The following PGCKA1 variants were observed in gnomAD, a reference collection of about 807,000 sequenced individuals.
PGCKA1 encodes the protein PDCD10 and GCKIII kinases associated 1, also known as PDCD10 and GCKIII kinases-associated protein 1.
chr4:37,478,149 C>CCT, the PGCKA1 span, among the ~76,000 whole-genome samples: 1 of 111,522 alleles, frequency 9.0e-6, no homozygotes, highest in African/African-American at 3.0e-5. Context: ...AACACCCCCC[C>CCT]CCACCGCCAC....
At chr4:37,510,473 T>C in the PGCKA1 span, among the ~76,000 whole-genome samples, 2 of 152,244 alleles carry the variant, frequency 1.3e-5, no homozygotes, top group East Asian at 3.9e-4. Context: ...TGGTACCACC[T>C]TGGTGGCCCT....
the PGCKA1 span, among the ~76,000 whole-genome samples, chr4:37,471,484 A>T: frequency 6.6e-6 from 1 of 152,236 alleles, no homozygotes; most frequent in Non-Finnish European, 1.5e-5. Flanking sequence ...ATATAATTTC[A>T]TATATAAACG....
At chr4:37,460,983 T>C in the PGCKA1 span, 2 of 306,938 alleles carry the variant, frequency 6.5e-6, no homozygotes, top group Non-Finnish European at 1.3e-5. Flanking sequence ...TACATTTAAG[T>C]CTTTAATCCA....
the PGCKA1 span, among the ~76,000 whole-genome samples, chr4:37,544,937 C>G: frequency 1.5e-4 from 23 of 151,546 alleles, 1 homozygote; most frequent in Middle Eastern, 6.8e-3. Flanking sequence ...GGGGGCACAA[C>G]CTCTGCCCCC....
the PGCKA1 span, among the ~76,000 whole-genome samples, chr4:37,525,735 C>A: frequency 6.6e-6 from 1 of 152,150 alleles, no homozygotes; most frequent in African/African-American, 2.4e-5. Context: ...GGCAGCACAC[C>A]AAAGGCTTCA....
At chr4:37,539,361 C>G in the PGCKA1 span, among the ~76,000 whole-genome samples, 1 of 152,166 alleles carries the variant, frequency 6.6e-6, no homozygotes, top group Non-Finnish European at 1.5e-5. Flanking sequence ...AAGTTCCCCT[C>G]TAAACCCTGT....
the PGCKA1 span, among the ~76,000 whole-genome samples, chr4:37,501,889 T>A: frequency 6.6e-6 from 1 of 152,154 alleles, no homozygotes; most frequent in Admixed American, 6.5e-5. Context: ...TGGGGTGGTG[T>A]TTCCTCAAGC....
the PGCKA1 span, among the ~76,000 whole-genome samples, chr4:37,485,221 G>T: frequency 6.6e-6 from 1 of 152,118 alleles, no homozygotes; most frequent in Non-Finnish European, 1.5e-5. Context: ...TATTGTTTAT[G>T]TTAAGGAAGG....
At chr4:37,570,199 C>G in the PGCKA1 span, among the ~76,000 whole-genome samples, 1 of 138,596 alleles carries the variant, frequency 7.2e-6, no homozygotes, top group Admixed American at 7.6e-5. Context: ...AGAGTTTCAC[C>G]GTGTTAGCCA....
At chr4:37,538,722 T>C in the PGCKA1 span, among the ~76,000 whole-genome samples, 1 of 152,232 alleles carries the variant, frequency 6.6e-6, no homozygotes, top group African/African-American at 2.4e-5. Flanking sequence ...TGGTTTATGA[T>C]GGAGGAACTT....
At chr4:37,545,723 T>C in the PGCKA1 span, among the ~76,000 whole-genome samples, 13 of 152,226 alleles carry the variant, frequency 8.5e-5, no homozygotes, top group African/African-American at 2.9e-4. Flanking sequence ...CCATTCATTG[T>C]TTCAGCTCAG....
chr4:37,510,687 C>G, the PGCKA1 span, among the ~76,000 whole-genome samples: 2 of 152,142 alleles, frequency 1.3e-5, no homozygotes, highest in Non-Finnish European at 2.9e-5. Flanking sequence ...GGTTCTCACC[C>G]AAGGCCTGCT....
At chr4:37,469,353 C>T in the PGCKA1 span, among the ~76,000 whole-genome samples, 383 of 152,324 alleles carry the variant, frequency 2.5e-3, 2 homozygotes, top group African/African-American at 8.9e-3. Context: ...AGTAAGCTTA[C>T]ATTGTTCTTT....
chr4:37,516,585 A>G, the PGCKA1 span, among the ~76,000 whole-genome samples: 6 of 152,182 alleles, frequency 3.9e-5, no homozygotes, highest in Non-Finnish European at 8.8e-5. Context: ...CAGAGGTACA[A>G]GCACCCTGTT....
the PGCKA1 span, among the ~76,000 whole-genome samples, chr4:37,530,268 A>G: frequency 6.6e-6 from 1 of 152,158 alleles, no homozygotes; most frequent in African/African-American, 2.4e-5. Flanking sequence ...TTTTTCCAAG[A>G]AGAGGTGAAA....
the PGCKA1 span, among the ~76,000 whole-genome samples, chr4:37,517,158 G>A: frequency 2.1e-3 from 314 of 151,890 alleles, 1 homozygote; most frequent in African/African-American, 7.4e-3. Flanking sequence ...GGCTGAGGCA[G>A]GAGAATCACT....
the PGCKA1 span, among the ~76,000 whole-genome samples, chr4:37,528,507 C>T: frequency 1.3e-5 from 2 of 152,100 alleles, no homozygotes; most frequent in Non-Finnish European, 2.9e-5. Flanking sequence ...TGGGGCACCT[C>T]TTTGGGGTAA....
chr4:37,497,826 G>A, the PGCKA1 span, among the ~76,000 whole-genome samples: 1 of 152,002 alleles, frequency 6.6e-6, no homozygotes, highest in Non-Finnish European at 1.5e-5. Flanking sequence ...CCCACTCTGT[G>A]GGTTGTCTGT....
At chr4:37,486,657 G>A in the PGCKA1 span, among the ~76,000 whole-genome samples, 1 of 152,134 alleles carries the variant, frequency 6.6e-6, no homozygotes, top group Non-Finnish European at 1.5e-5. Flanking sequence ...AAAGGAGGAA[G>A]GAATAAGCTT....
Sources: gnomAD v4.1 joint callset for allele counts (sites outside exome capture counted in the v4.1 genomes callset) on GRCh38, gnomAD v4.1.1 for gene constraint, MANE v1.5 for transcripts, NCBI Gene and HGNC (gene_info 2026-07-23, HGNC 2026-07-21) for gene names.